The following ITIH1 variants were observed in gnomAD, a reference collection of about 807,000 sequenced individuals.
ITIH1 encodes the protein inter-alpha-trypsin inhibitor heavy chain 1.
In ITIH1, 94 loss-of-function variants were observed where a neutral mutation model predicts 104.6. The observed-to-expected ratio is 0.90, with a 90% CI of 0.76 to 1.07. The LOEUF (loss-of-function observed/expected upper bound fraction) is 1.07. ITIH1 is among the 50% of genes least tolerant of loss of function. ITIH1 has a pLI of 0.00. For missense variants in ITIH1, 1,193 were observed against 1,181.4 expected (o/e 1.01, Z -0.14); for synonymous variants, 455 against 464.4 (o/e 0.98, Z 0.26).
At chr3:52,782,576 G>C (rs575500290) in intron 8 of ITIH1, among the ~76,000 whole-genome samples, 2 of 97,150 alleles carry the variant, frequency 2.1e-5, no homozygotes, top group Admixed American at 2.3e-4. Context: ...CTACAATTAC[G>C]GTGGTCCGTG....
At chr3:52,781,239 T>C (rs868220782) in intron 6 of ITIH1, among the ~76,000 whole-genome samples, 7 of 102,648 alleles carry the variant, frequency 6.8e-5, no homozygotes, top group Admixed American at 1.2e-4. Context: ...CTTCTTCTTC[T>C]TCTTCTTCTT....
intron 15 of ITIH1, 83 bp from the exon 16 acceptor site, chr3:52,787,509 C>A: frequency 6.5e-7 from 1 of 1,537,430 alleles, no homozygotes. Context: ...GGGCCCAGGC[C>A]TGTTGTGGAC....
chr3:52,779,431 G>A lies in ITIH1; in HGVS notation c.411-1G>A. The A allele has an allele frequency of 6.2e-7, 1 of 1,614,240 alleles. No homozygotes were observed. On this transcript the variant is annotated splice_acceptor_variant, in intron 4 of 21. Coordinates refer to ENST00000273283, the MANE Select transcript of ITIH1 (RefSeq NM_002215.4). LOFTEE classifies it high-confidence loss of function. The surrounding 1 kb of genome is among the most constrained non-coding windows in gnomAD (Gnocchi z 4.4). The stretch of plus-strand genomic sequence containing the variant: ...GCTGTTGCCTCTGGTGGCACATCCA[G>A]GGCCTCGGGGAGAACTATGGAGCAA...
intron 18 of ITIH1, 74 bp from the exon 19 acceptor site, chr3:52,789,578 GA>G: frequency 1.5e-6 from 2 of 1,333,680 alleles, no homozygotes; most frequent in Non-Finnish European, 2.1e-6. Flanking sequence ...GGCCTCTTAG[GA>G]AGGAGGCATG....
intron 13 of ITIH1, 96 bp downstream of exon 13, chr3:52,786,530 T>C: frequency 1.7e-6 from 2 of 1,204,668 alleles, no homozygotes; most frequent in Non-Finnish European, 2.3e-6. Flanking sequence ...CTGGGGCAAG[T>C]AGGTCAGATT....
intron 12 of ITIH1, 91 bp downstream of exon 12, chr3:52,785,320 G>A (rs1373333397): frequency 3.9e-6 from 5 of 1,288,148 alleles, no homozygotes; most frequent in Middle Eastern, 2.6e-4. Flanking sequence ...ATCCCCCAGA[G>A]GCCTCTCTTT....
rs1698980705 is a variant in ITIH1 at position 52,779,338 on chromosome 3, A to G, written c.411-94A>G. 21 of 1,347,256 alleles carry G rather than the reference A, an allele frequency of 1.6e-5. No homozygotes were observed. In the South Asian group the frequency reaches 2.5e-4, roughly 16 times the overall value. The allele number at this position is 1,347,256 out of a possible 1,614,324, so 83.5% of individuals were successfully genotyped here. A position where few individuals can be genotyped will look rare whatever the true frequency, so the allele number is the denominator to read the frequency against. Reference sequence around the variant, plus strand: ...AACCTGGGAGCAACACTCATCTAAGAGAAATAAATTCTGTGGGCCACATGT... The same window carrying G: ...AACCTGGGAGCAACACTCATCTAAGGGAAATAAATTCTGTGGGCCACATGT... On this transcript the variant is annotated intron_variant, in intron 4 of 21. Coordinates refer to ENST00000273283, the MANE Select transcript of ITIH1 (RefSeq NM_002215.4). This position sits in a 1 kb window ranked among gnomAD's most constrained non-coding sequence, Gnocchi z 4.4.
intron 20 of ITIH1, 104 bp downstream of exon 20, chr3:52,791,025 G>A: frequency 8.2e-7 from 1 of 1,213,706 alleles, no homozygotes; most frequent in African/African-American, 1.5e-5. Flanking sequence ...CACCAGGACA[G>A]GCCCACCTCC....
Position 52,779,130 on chromosome 3 carries a change from G to T in ITIH1, c.410+84G>T, listed in dbSNP as rs147194788. On this transcript the variant is annotated intron_variant, in intron 4 of 21. Coordinates refer to ENST00000273283, the MANE Select transcript of ITIH1 (RefSeq NM_002215.4). The surrounding 1 kb of genome is among the most constrained non-coding windows in gnomAD (Gnocchi z 4.4). The stretch of plus-strand genomic sequence containing the variant: ...CTGATGGCTGCAAGGTGGCTTTAGT[G>T]GAGAACAGCCCAGGATGATGGAAGG... 2.0e-6 allele frequency: 2 copies of T among 982,912 alleles called. No homozygotes were observed. Among genetic ancestry groups the T allele is most frequent in the East Asian group, 4.8e-5 (2 of 41,728 alleles). 60.9% of individuals were successfully genotyped at this position (982,912 alleles called of 1,614,324 possible).
rs1698993328 is a variant in ITIH1 at position 52,779,921 on chromosome 3, G to C, written c.573+327G>C. On this transcript the variant is annotated intron_variant, in intron 5 of 21. Transcript: ENST00000273283. The surrounding 1 kb of genome is among the most constrained non-coding windows in gnomAD (Gnocchi z 4.4). ...AAGTCCCGCGCAGCCTGAGGGCCTGGAATTATTGCTGGCACCTAAGTGGTG... is the reference window on the plus strand; with the variant it reads ...AAGTCCCGCGCAGCCTGAGGGCCTGCAATTATTGCTGGCACCTAAGTGGTG... 7.2e-7 allele frequency: 1 copy of C among 1,379,524 alleles called. No homozygotes were observed. Among genetic ancestry groups the C allele is most frequent in the Non-Finnish European group, 9.4e-7 (1 of 1,066,092 alleles). 85.5% of individuals were successfully genotyped at this position (1,379,524 alleles called of 1,614,324 possible). A position where few individuals can be genotyped will look rare whatever the true frequency, so the allele number is the denominator to read the frequency against.
rs757048985 is a variant in ITIH1 at position 52,780,388 on chromosome 3, T to C, written c.687+6T>C. 77 of 1,602,952 alleles carry C rather than the reference T, an allele frequency of 4.8e-5. No homozygotes were observed. Among genetic ancestry groups the C allele is most frequent in the South Asian group, 1.5e-4 (14 of 90,442 alleles). On this transcript the variant is annotated splice_donor_region_variant and intron_variant, in intron 6 of 21. Coordinates refer to ENST00000273283, the MANE Select transcript of ITIH1 (RefSeq NM_002215.4). ...AGTCCTTCTCAGGAAAAAAGGTACA[T>C]GGGATAGCAAGGGGGTGGTGGTGGG...
chr3:52,786,967 A>T lies in ITIH1; in HGVS notation c.1756A>T (p.Arg586Trp), dbSNP rs147649121. The change falls in exon 14 of 22, where the codon AGG (arginine) becomes TGG (tryptophan). Residue 586 changes from arginine to tryptophan, a missense_variant. Coordinates refer to ENST00000273283, the MANE Select transcript of ITIH1 (RefSeq NM_002215.4). ...AKRMKVDREE[R>W]ANLSSQALQM... ...CAGGATGAAGGTGGACAGGGAGGAG[A>T]GGGCCAACCTGTCATCCCAGGCCCT... 8 of 1,613,490 alleles carry T rather than the reference A, an allele frequency of 5.0e-6. No homozygotes were observed. In the African/African-American group the frequency reaches 1.1e-4, roughly 22 times the overall value.
chr3:52,782,825 G>A, intron 8 of ITIH1, 132 bp from the exon 9 acceptor site: 1 of 867,776 alleles, frequency 1.2e-6, no homozygotes, highest in Non-Finnish European at 1.8e-6. Flanking sequence ...CTGTCTCGGG[G>A]CCACCTGGTT....
At chr3:52,780,517 T>G (rs1578729595) in intron 6 of ITIH1, 135 bp downstream of exon 6, 1 of 628,878 alleles carries the variant, frequency 1.6e-6, no homozygotes, top group Non-Finnish European at 2.8e-6. Flanking sequence ...GAGAAGCTGG[T>G]GTCATGTGAT....
chr3:52,780,296 G>A lies in ITIH1; in HGVS notation c.601G>A (p.Gly201Arg), dbSNP rs1699001218. 6.2e-7 allele frequency: 1 copy of A among 1,613,834 alleles called. No individual in the cohort carries two copies. The highest frequency in any genetic ancestry group is 1.7e-5 in the Admixed American group (1 of 59,980). ...EIDVDIFEPQ[G>R]ISKLDAQASF... ...TGATGTGGACATCTTCGAGCCCCAG[G>A]GGATCAGCAAGCTGGATGCCCAGGC... Residue 201 changes from glycine (G) to arginine (R), a missense_variant, in exon 6 of 22, where the codon GGG (glycine) becomes AGG (arginine). By Grantham distance (125) the Gly-to-Arg change is moderately radical. Transcript: ENST00000273283.
intron 11 of ITIH1, 72 bp from the exon 12 acceptor site, chr3:52,784,972 C>T (rs1475976898): frequency 1.3e-6 from 2 of 1,482,008 alleles, no homozygotes; most frequent in African/African-American, 2.8e-5. Context: ...CCCAACACTC[C>T]ACTTTGTGGG....
chr3:52,781,209 T>TCACCTCC (rs1699034039), intron 6 of ITIH1, among the ~76,000 whole-genome samples: 4 of 14,342 alleles, frequency 2.8e-4, no homozygotes, highest in African/African-American at 8.7e-4. Flanking sequence ...TTTTTTTTTT[T>TCACCTCC]TCTTCTTCTT....
rs1276195871 is a variant in ITIH1, at chr3:52,782,144, A to G, written c.814-7A>G. Reference sequence around the variant, plus strand: ...AGAGTGGCCTCACTCGTTCTCCTCTATTTCAGGTGGCCAATAACCACTTTG... The same window carrying G: ...AGAGTGGCCTCACTCGTTCTCCTCTGTTTCAGGTGGCCAATAACCACTTTG... On this transcript the variant is annotated splice_region_variant and splice_polypyrimidine_tract_variant and intron_variant, in intron 7 of 21. Transcript: ENST00000273283. 6.2e-7 allele frequency: 1 copy of G among 1,613,994 alleles called. No homozygotes were observed. The highest frequency in any genetic ancestry group is 8.5e-7 in the Non-Finnish European group (1 of 1,179,966).
At position 52,778,966 on chromosome 3, in the gene ITIH1, C is replaced by T. The variant is rs368753238; in HGVS notation, c.330C>T (p.Ile110=). The change falls in exon 4 of 22, where the codon ATC becomes ATT. Residue 110 remains isoleucine, a synonymous_variant. Coordinates refer to ENST00000273283, the MANE Select transcript of ITIH1 (RefSeq NM_002215.4). ...GTACAGCAGATGGAAACGCATTTAT[C>T]GGAGACATAAAGGACAAGGTGACTG... ...FAVTADGNAF[I]GDIKDKVTAW... 20 of 1,613,460 alleles carry T rather than the reference C, an allele frequency of 1.2e-5. No individual in the cohort carries two copies. Among genetic ancestry groups the T allele is most frequent in the South Asian group, 7.7e-5 (7 of 91,078 alleles).
Sources: gnomAD v4.1 joint callset for allele counts (sites outside exome capture counted in the v4.1 genomes callset) on GRCh38, gnomAD v4.1.1 for gene constraint, Gnocchi (gnomAD v3.1) non-coding constraint, MANE v1.5 for transcripts, NCBI Gene and HGNC (gene_info 2026-07-23, HGNC 2026-07-21) for gene names.